BEND2: variants seen among roughly 807,000 people sequenced by gnomAD.
The protein encoded by BEND2 is BEN domain containing 2, also known as BEN domain-containing protein 2.
In BEND2, 19 loss-of-function variants were observed where a neutral mutation model predicts 43.8. The observed-to-expected ratio is 0.43, with a 90% CI of 0.30 to 0.64. The LOEUF is 0.64. Ranked by LOEUF, BEND2 falls within the 30% of genes least tolerant of loss-of-function variation. BEND2 has a pLI of 0.11. For missense variants in BEND2, 544 were observed against 574.0 expected (o/e 0.95, Z 0.53); for synonymous variants, 226 against 210.1 (o/e 1.08, Z -0.66).
chrX:18,202,072 C>T, intron 5 of BEND2, 132 bp from the exon 6 acceptor site: 3 of 624,495 alleles, frequency 4.8e-6, no homozygotes, highest in Non-Finnish European at 4.7e-6. Flanking sequence ...AAGAATTTGT[C>T]CCCAGCAGAC....
In BEND2 at chrX:18,201,427, A is replaced by AAAAC. The variant is rs1925156128; in HGVS notation, c.1033+387_1033+388insGTTT. On this transcript the variant is annotated intron_variant, in intron 6 of 13. Transcript: ENST00000380033. ...AAAAAAAAAAAAAAAACAAAAAAAAAAAAACTGGTGGATCAAGGTTAAATA... is the reference window on the plus strand; with the variant it reads ...AAAAAAAAAAAAAAAACAAAAAAAAAAAACAAAACTGGTGGATCAAGGTTAAATA... 2.9e-3 allele frequency among the ~76,000 whole-genome samples: 248 copies of AAAAC among 86,367 alleles called. 12 individuals carry two copies. Among genetic ancestry groups the AAAAC allele is most frequent in the Non-Finnish European group, 3.6e-3 (153 of 43,025 alleles). 75.0% of individuals were successfully genotyped at this position (86,367 alleles called of 115,157 possible). A position where few individuals can be genotyped will look rare whatever the true frequency, so the allele number is the denominator to read the frequency against.
intron 8 of BEND2, among the ~76,000 whole-genome samples, chrX:18,182,063 G>A (rs1489147274): frequency 8.9e-6 from 1 of 111,848 alleles, no homozygotes; most frequent in Non-Finnish European, 1.9e-5. Flanking sequence ...AATAACATAA[G>A]TAGATTAAAA....
chrX:18,210,422 C>T (rs1328040886), intron 4 of BEND2, among the ~76,000 whole-genome samples: 2 of 111,771 alleles, frequency 1.8e-5, no homozygotes, highest in African/African-American at 3.2e-5. Context: ...TCAAGAAGCA[C>T]CTAAGGCCTA....
At chrX:18,205,926 G>T (rs1268149312) in intron 4 of BEND2, among the ~76,000 whole-genome samples, 2 of 111,218 alleles carry the variant, frequency 1.8e-5, no homozygotes, top group Non-Finnish European at 3.8e-5. Context: ...GAGGTAAACA[G>T]TGCAGGCTCT....
intron 6 of BEND2, among the ~76,000 whole-genome samples, chrX:18,195,868 C>CTGTCTCAATTGAA (rs1274668782): frequency 2.9e-5 from 2 of 68,999 alleles, no homozygotes; most frequent in African/African-American, 6.0e-5. Flanking sequence ...CAGAGTGAGA[C>CTGTCTCAATTGAA]AAAAGAAGAA....
chrX:18,194,499 T>C (rs905194364), intron 7 of BEND2, among the ~76,000 whole-genome samples: 4 of 110,962 alleles, frequency 3.6e-5, no homozygotes, highest in African/African-American at 1.3e-4. Context: ...AATGAAAACT[T>C]ACATTTATAC....
chrX:18,189,017 G>A lies in BEND2; in HGVS notation c.1288+1984C>T, dbSNP rs182998400. Among the ~76,000 whole-genome samples the A allele has an allele frequency of 5.5e-5, 6 of 108,843 alleles. No homozygotes were observed. The East Asian group carries it at 1.5e-3, about 26-fold the overall frequency. 94.5% of individuals were successfully genotyped at this position (108,843 alleles called of 115,157 possible). ...AGTTCGAGACCAGCCTGGCCAGCAC[G>A]GTGAAACCCCATCTCTACTAAAAAT... On this transcript the variant is annotated intron_variant, in intron 8 of 13. Coordinates refer to ENST00000380033, the MANE Select transcript of BEND2 (RefSeq NM_153346.5).
At chrX:18,215,172 T>C (rs900964282) in intron 2 of BEND2, among the ~76,000 whole-genome samples, 3 of 111,877 alleles carry the variant, frequency 2.7e-5, no homozygotes, top group African/African-American at 9.7e-5. Flanking sequence ...TTTGTAAGTA[T>C]ACAATTCAGT....
chrX:18,202,249 C>T (rs1056216969), intron 5 of BEND2, among the ~76,000 whole-genome samples: 2 of 112,032 alleles, frequency 1.8e-5, no homozygotes, highest in Non-Finnish European at 3.8e-5. Flanking sequence ...GATGATACAG[C>T]GCCCCTGGAA....
chrX:18,205,850 C>CTATGT (rs1686044102), intron 4 of BEND2, among the ~76,000 whole-genome samples: 1 of 110,726 alleles, frequency 9.0e-6, no homozygotes, highest in Non-Finnish European at 1.9e-5. Flanking sequence ...GAGCAGTGGT[C>CTATGT]TATGTTTTCA....
intron 1 of BEND2, among the ~76,000 whole-genome samples, chrX:18,219,496 G>T (rs1223891802): frequency 8.9e-6 from 1 of 112,928 alleles, no homozygotes; most frequent in African/African-American, 3.2e-5. Context: ...ATAAAACAGC[G>T]AAGCTGCACA....
intron 8 of BEND2, 142 bp from the exon 9 acceptor site, chrX:18,180,792 T>C: frequency 2.1e-6 from 1 of 477,838 alleles, no homozygotes. Context: ...TTTCTTTCTT[T>C]CTTTTTTTTT....
chrX:18,167,333 C>T (rs1923849812), intron 13 of BEND2, among the ~76,000 whole-genome samples: 2 of 110,734 alleles, frequency 1.8e-5, no homozygotes, highest in Non-Finnish European at 3.8e-5. Flanking sequence ...TCATGAAACA[C>T]CTATTAACAT....
chrX:18,198,900 T>G (rs1242741438), intron 6 of BEND2, among the ~76,000 whole-genome samples: 1 of 106,461 alleles, frequency 9.4e-6, no homozygotes, highest in Non-Finnish European at 1.9e-5. Context: ...ATGTCCTTTG[T>G]AGGGACATGG....
intron 1 of BEND2, among the ~76,000 whole-genome samples, chrX:18,217,301 A>G (rs1258874156): frequency 8.9e-6 from 1 of 112,919 alleles, no homozygotes; most frequent in African/African-American, 3.2e-5. Context: ...ATGAAAACAC[A>G]TTATGCAAAA....
At chrX:18,198,979 A>G (rs1408114695) in intron 6 of BEND2, among the ~76,000 whole-genome samples, 1 of 100,056 alleles carries the variant, frequency 1.0e-5, no homozygotes, top group Non-Finnish European at 2.0e-5. Flanking sequence ...GGATGTTCTC[A>G]CTCATAGATG....
chrX:18,181,144 AG>A (rs1337959085), intron 8 of BEND2, among the ~76,000 whole-genome samples: 4 of 111,774 alleles, frequency 3.6e-5, no homozygotes, highest in Non-Finnish European at 7.5e-5. Flanking sequence ...AAGAATAGAA[AG>A]ATGCATGTGG....
At position 18,216,589 on chromosome X, in the gene BEND2, T is replaced by C. The variant is rs755666105; in HGVS notation, c.170A>G (p.Asp57Gly). 4 of 1,209,492 alleles carry C rather than the reference T, an allele frequency of 3.3e-6. No individual in the cohort carries two copies. The East Asian group carries it at 1.2e-4, about 36-fold the overall frequency. ...TGGAAAATTTGGTTGTGTGGCTGTG[T>C]CATCAGTGGGATTATCTGCTGTGAC... is the stretch of plus-strand genomic sequence containing the variant. ...TYVTADNPTD[D>G]TATQPNFPGG... Residue 57 changes from aspartate to glycine, a missense_variant, in exon 2 of 14, where the codon GAC becomes GGC. Transcript: ENST00000380033.
intron 6 of BEND2, among the ~76,000 whole-genome samples, chrX:18,201,396 C>CAAAAAA (rs1227049211): frequency 2.1e-3 from 43 of 20,607 alleles, no homozygotes; most frequent in East Asian, 4.8e-3. Context: ...AACTCCATCT[C>CAAAAAA]AAAAAAAAAA....
Sources: gnomAD v4.1 joint callset for allele counts (sites outside exome capture counted in the v4.1 genomes callset) on GRCh38, gnomAD v4.1.1 for gene constraint, MANE v1.5 for transcripts, NCBI Gene and HGNC (gene_info 2026-07-23, HGNC 2026-07-21) for gene names.